Variants in RAB21 observed in about 807,000 individuals in gnomAD.
RAB21 encodes RAB21, member RAS oncogene family.
In RAB21, 13 loss-of-function variants were observed where a neutral mutation model predicts 33.1. That is an observed-to-expected ratio of 0.39 (90% CI 0.26 to 0.62). RAB21 has a LOEUF of 0.62. Ranked by LOEUF, RAB21 falls within the 20% of genes least tolerant of loss-of-function variation. The probability of loss-of-function intolerance (pLI) is 0.48; values close to 1 mark genes in which losing one functional copy is unlikely to be tolerated. For missense variants in RAB21, 234 were observed against 279.1 expected (o/e 0.84, Z 1.15); for synonymous variants, 91 against 103.7 (o/e 0.88, Z 0.74).
rs753140068 is a variant in RAB21, at chr12:71,789,891, C to T, written c.*4218C>T. Reference sequence around the variant, plus strand: ...AGTTGCAATTTTGAGCAAAATTTTCCTAGTTGTAATATTTTAATAGTGTTA... The same window carrying T: ...AGTTGCAATTTTGAGCAAAATTTTCTTAGTTGTAATATTTTAATAGTGTTA... On this transcript the variant is annotated 3_prime_UTR_variant, in exon 7 of 7. Transcript: ENST00000261263. The T allele has an allele frequency of 2.0e-5, 3 of 151,984 alleles. No homozygotes were observed. Among genetic ancestry groups the T allele is most frequent in the Admixed American group, 1.3e-4 (2 of 15,266 alleles). The allele number at this position is 151,984 out of a possible 1,614,324, so 9.4% of individuals were successfully genotyped here.
chr12:71,757,764 G>C (rs1882806513), intron 1 of RAB21, among the ~76,000 whole-genome samples: 1 of 152,184 alleles, frequency 6.6e-6, no homozygotes, highest in African/African-American at 2.4e-5. Flanking sequence ...AGATATGAGA[G>C]GAAGAGTTCA....
At chr12:71,756,280 G>A (rs967064056) in intron 1 of RAB21, among the ~76,000 whole-genome samples, 1 of 152,084 alleles carries the variant, frequency 6.6e-6, no homozygotes, top group Admixed American at 6.6e-5. Context: ...TGTTAAAATG[G>A]CCATAATAGT....
chr12:71,766,229 C>T (rs1451543912), intron 1 of RAB21, among the ~76,000 whole-genome samples: 1 of 152,104 alleles, frequency 6.6e-6, no homozygotes, highest in Non-Finnish European at 1.5e-5. Flanking sequence ...CAATTATGGG[C>T]AGGGTACTAT....
intron 5 of RAB21, 190 bp downstream of exon 5, chr12:71,782,275 C>A (rs896590460): frequency 3.5e-5 from 20 of 574,744 alleles, no homozygotes; most frequent in Non-Finnish European, 5.8e-5. Context: ...TTTTTGACTT[C>A]AGTGAAAAAT....
In RAB21 at chr12:71,783,631, A is replaced by G. The variant is rs535545683; in HGVS notation, c.535+973A>G. On this transcript the variant is annotated intron_variant, in intron 6 of 6. Coordinates refer to ENST00000261263, the MANE Select transcript of RAB21 (RefSeq NM_014999.4). ...TTGGGCTCTCCAAGCCTGCCGAATC[A>G]GAATTTCTAGGGATGGTGCCCAGAA... 5.4e-3 allele frequency among the ~76,000 whole-genome samples: 826 copies of G among 152,332 alleles called. 9 individuals carry two copies. Among genetic ancestry groups the G allele is most frequent in the African/African-American group, 0.019 (785 of 41,566 alleles).
chr12:71,769,534 T>A (rs181216890), intron 1 of RAB21, among the ~76,000 whole-genome samples: 82 of 152,306 alleles, frequency 5.4e-4, no homozygotes, highest in African/African-American at 1.8e-3. Flanking sequence ...TTGTTCCACA[T>A]AGATAAGGAA....
chr12:71,764,748 G>T (rs900344002), intron 1 of RAB21, among the ~76,000 whole-genome samples: 1 of 152,018 alleles, frequency 6.6e-6, no homozygotes, highest in Non-Finnish European at 1.5e-5. Context: ...TAGAATAATG[G>T]CCTCCAGCTC....
intron 1 of RAB21, among the ~76,000 whole-genome samples, chr12:71,761,393 C>A (rs2137639841): frequency 6.6e-6 from 1 of 151,974 alleles, no homozygotes; most frequent in South Asian, 2.1e-4. Context: ...AATAAAAATA[C>A]AAGGGCCGGG....
At chr12:71,782,007 A>G in intron 4 of RAB21, 24 bp from the exon 5 acceptor site, 1 of 1,522,710 alleles carries the variant, frequency 6.6e-7, no homozygotes, top group Non-Finnish European at 9.1e-7. Flanking sequence ...GTATAAAGAT[A>G]AATATTTACT....
rs377268013 is a variant in RAB21 at position 71,783,797 on chromosome 12, AC to A, written c.535+1140del. On this transcript the variant is annotated intron_variant, in intron 6 of 6. Transcript: ENST00000261263. ...GGGATAGATTGAGGTCCTCATTTCT[AC>A]AAGCACCCAAGTGGTGGTGATGCTA... 1.1e-4 allele frequency among the ~76,000 whole-genome samples: 16 copies of A among 152,300 alleles called. 1 individual carries two copies. The East Asian group carries it at 3.1e-3, about 29-fold the overall frequency.
chr12:71,757,406 G>C (rs1190447575), intron 1 of RAB21, among the ~76,000 whole-genome samples: 6 of 152,082 alleles, frequency 3.9e-5, no homozygotes, highest in Admixed American at 3.9e-4. Context: ...CACTGCACCT[G>C]GCCATACCCT....
chr12:71,759,900 T>C (rs1183791566), intron 1 of RAB21, among the ~76,000 whole-genome samples: 1 of 152,220 alleles, frequency 6.6e-6, no homozygotes, highest in Non-Finnish European at 1.5e-5. Context: ...GTAAGCAAGC[T>C]CCTTTTCTTT....
chr12:71,755,427 GA>G, intron 1 of RAB21, 139 bp downstream of exon 1: 1 of 1,087,024 alleles, frequency 9.2e-7, no homozygotes, highest in Non-Finnish European at 1.2e-6. Flanking sequence ...TTACCTTTCC[GA>G]ATTCGCCCTG....
chr12:71,778,083 A>G (rs17110259), intron 4 of RAB21, among the ~76,000 whole-genome samples: 2,423 of 152,220 alleles, frequency 0.016, 58 homozygotes, highest in African/African-American at 0.055. Flanking sequence ...ATGTTTTTGA[A>G]TCTTTATGTT....
rs1386713854 is a variant in RAB21, at chr12:71,789,461, A to G, written c.*3788A>G. Reference sequence around the variant, plus strand: ...TCTGTGCCTTTAACTTTTAGAATTCATCTTTTGACTTGTTTGCCACTGTAG... The same window carrying G: ...TCTGTGCCTTTAACTTTTAGAATTCGTCTTTTGACTTGTTTGCCACTGTAG... On this transcript the variant is annotated 3_prime_UTR_variant, in exon 7 of 7. Coordinates refer to ENST00000261263, the MANE Select transcript of RAB21 (RefSeq NM_014999.4). 6.6e-6 allele frequency: 1 copy of G among 152,114 alleles called. No individual in the cohort carries two copies. Among genetic ancestry groups the G allele is most frequent in the East Asian group, 1.9e-4 (1 of 5,202 alleles). The allele number at this position is 152,114 out of a possible 1,614,324, so 9.4% of individuals were successfully genotyped here.
rs1464831172 is a variant in RAB21 at position 71,794,390 on chromosome 12, A to C, written c.*8717A>C. ...GTCTCTACTAAAAACAAAACAAAAC[A>C]AAACCATATATATATTATATATATA... On this transcript the variant is annotated 3_prime_UTR_variant, in exon 7 of 7. Transcript: ENST00000261263. 8.6e-5 allele frequency: 12 copies of C among 139,548 alleles called. No homozygotes were observed. The highest frequency in any genetic ancestry group is 1.9e-4 in the African/African-American group (7 of 37,680). 8.6% of individuals were successfully genotyped at this position (139,548 alleles called of 1,614,324 possible).
intron 1 of RAB21, among the ~76,000 whole-genome samples, chr12:71,758,647 A>ATTT (rs34094830): frequency 2.7e-5 from 4 of 148,958 alleles, no homozygotes; most frequent in African/African-American, 4.9e-5. Context: ...TGCTCGGCTA[A>ATTT]TTTTTTTTTT....
chr12:71,772,670 T>C (rs1453007920), intron 3 of RAB21, among the ~76,000 whole-genome samples: 5 of 151,976 alleles, frequency 3.3e-5, no homozygotes, highest in African/African-American at 1.2e-4. Context: ...TCTTTTGAGG[T>C]GGTGAAGATG....
At chr12:71,770,808 T>C (rs1883031918) in intron 3 of RAB21, 109 bp downstream of exon 3, 2 of 752,578 alleles carry the variant, frequency 2.7e-6, no homozygotes, top group Non-Finnish European at 4.2e-6. Flanking sequence ...AAAAATAAAG[T>C]ATATAATTTG....
Sources: allele counts gnomAD v4.1 joint callset (sites outside exome capture counted in the v4.1 genomes callset), GRCh38; gene constraint gnomAD v4.1.1; transcripts MANE v1.5; gene names NCBI Gene and HGNC (gene_info 2026-07-23, HGNC 2026-07-21).